RSRP1: variants seen among roughly 807,000 people sequenced by gnomAD.
RSRP1 encodes arginine and serine rich protein 1, also known as arginine/serine-rich protein 1.
RSRP1 carries 37 observed loss-of-function variants against 33.0 expected under a neutral mutation model. The ratio of observed to expected loss-of-function variants is 1.12; its 90% CI spans 0.86 to 1.48. RSRP1 has a LOEUF of 1.48. Ranked by LOEUF, RSRP1 falls within the 40% of genes most tolerant of loss-of-function variation. The probability of loss-of-function intolerance (pLI) is 0.00; values close to 1 mark genes in which losing one functional copy is unlikely to be tolerated. For synonymous variants in RSRP1, 167 were observed against 158.7 expected (o/e 1.05, Z -0.40); for missense variants, 402 against 385.3 (o/e 1.04, Z -0.36).
chr1:25,292,766 A>G (rs576286974), intron 1 of RSRP1, among the ~76,000 whole-genome samples: 2 of 123,896 alleles, frequency 1.6e-5, no homozygotes, highest in East Asian at 3.9e-4. Flanking sequence ...GGGAGTTGTT[A>G]CAATACAGAT....
intron 3 of RSRP1, 134 bp downstream of exon 3, chr1:25,245,016 T>C: frequency 2.6e-6 from 4 of 1,566,248 alleles, no homozygotes; most frequent in South Asian, 2.3e-5. Context: ...TATCTTCAGA[T>C]TTGCTACTTT....
chr1:25,278,466 C>G (rs2124600495), intron 1 of RSRP1, among the ~76,000 whole-genome samples: 1 of 131,852 alleles, frequency 7.6e-6, no homozygotes, highest in African/African-American at 2.6e-5. Context: ...GGTGCAACAA[C>G]TGGGCTGGGT....
intron 1 of RSRP1, among the ~76,000 whole-genome samples, chr1:25,315,097 G>A (rs1378861478): frequency 7.8e-6 from 1 of 128,050 alleles, no homozygotes; most frequent in Admixed American, 7.6e-5. Context: ...TCAGCTACTC[G>A]GGAGGCTGAG....
chr1:25,274,728 C>T (rs1299978236), intron 1 of RSRP1, among the ~76,000 whole-genome samples: 4 of 133,782 alleles, frequency 3.0e-5, no homozygotes, highest in African/African-American at 7.6e-5. Flanking sequence ...AACAAAGGGC[C>T]GGGCGACGTG....
upstream of RSRP1, among the ~76,000 whole-genome samples, chr1:25,249,734 G>T (rs544645397): frequency 6.6e-6 from 1 of 152,130 alleles, no homozygotes; most frequent in Admixed American, 6.5e-5. Context: ...AAACATACGC[G>T]GTCTACCTGA....
chr1:25,292,774 G>T (rs1157343513), intron 1 of RSRP1, among the ~76,000 whole-genome samples: 1 of 123,276 alleles, frequency 8.1e-6, no homozygotes, highest in African/African-American at 2.8e-5. Flanking sequence ...TTACAATACA[G>T]ATGGTGTTTA....
intron 1 of RSRP1, chr1:25,272,555 C>A: frequency 6.3e-7 from 1 of 1,580,632 alleles, no homozygotes; most frequent in African/African-American, 1.4e-5. Context: ...AGGATGAGCT[C>A]TAAGTACCCG....
intron 3 of RSRP1, 79 bp downstream of exon 3, chr1:25,245,071 A>C (rs1557483628): frequency 6.2e-7 from 1 of 1,612,332 alleles, no homozygotes; most frequent in Admixed American, 1.7e-5. Flanking sequence ...CAAAAAGTAT[A>C]GTCTAAGATA....
rs1394310630 is a variant in RSRP1 at position 25,274,412 on chromosome 1, G to T, written c.-66-27383C>A. The stretch of plus-strand genomic sequence containing the variant: ...GGTTAGCAGCCACTATTCCAACCCT[G>T]TAGATTGACTCTAGGGTCCATGTTC... On this transcript the variant is annotated intron_variant, in intron 1 of 1. Coordinates refer to the RSRP1 transcript ENST00000561867. Among the ~76,000 whole-genome samples the T allele has an allele frequency of 9.1e-5, 12 of 132,306 alleles. 2 individuals carry two copies. Among genetic ancestry groups the T allele is most frequent in the Admixed American group, 8.8e-4 (12 of 13,580 alleles). The allele number at this position is 132,306 out of a possible 152,430, so 86.8% of individuals were successfully genotyped here.
chr1:25,251,934 A>G (rs1330166491), upstream of RSRP1, among the ~76,000 whole-genome samples: 1 of 149,944 alleles, frequency 6.7e-6, no homozygotes, highest in East Asian at 2.0e-4. Flanking sequence ...TCTCTTGCCC[A>G]GACTGAAGTG....
In RSRP1 at chr1:25,292,202, G is replaced by C. The variant is rs896007878; in HGVS notation, c.-66-45173C>G. 3.8e-5 allele frequency among the ~76,000 whole-genome samples: 5 copies of C among 132,638 alleles called. 1 individual carries two copies. Among genetic ancestry groups the C allele is most frequent in the Admixed American group, 3.7e-4 (5 of 13,574 alleles). 87.0% of individuals were successfully genotyped at this position (132,638 alleles called of 152,430 possible). A position where few individuals can be genotyped will look rare whatever the true frequency, so the allele number is the denominator to read the frequency against. On this transcript the variant is annotated intron_variant, in intron 1 of 1. Transcript: ENST00000561867. ...AAAAAGCATGAAGCCCCTTTACTGTGCCTCAGTGTCCCAAAGGACTTTGGA... is the reference window on the plus strand; with the variant it reads ...AAAAAGCATGAAGCCCCTTTACTGTCCCTCAGTGTCCCAAAGGACTTTGGA...
At chr1:25,291,142 G>GGATAGATA (rs1557529488) in intron 1 of RSRP1, among the ~76,000 whole-genome samples, 6 of 125,676 alleles carry the variant, frequency 4.8e-5, no homozygotes, top group African/African-American at 1.7e-4. Context: ...ATAGGTAGGT[G>GGATAGATA]GATAGACAGA....
chr1:25,289,268 C>G (rs1454771020), intron 1 of RSRP1, among the ~76,000 whole-genome samples: 20 of 132,218 alleles, frequency 1.5e-4, no homozygotes, highest in African/African-American at 4.4e-4. Context: ...AGTCTCGGCC[C>G]ACTGAAACCT....
chr1:25,259,226 T>C (rs1196304568), intron 1 of RSRP1, among the ~76,000 whole-genome samples: 6 of 152,022 alleles, frequency 3.9e-5, no homozygotes, highest in Non-Finnish European at 8.8e-5. Flanking sequence ...CCGAAGTAGC[T>C]GGGAATTACA....
chr1:25,331,390 G>C (rs1645003463), intron 1 of RSRP1, among the ~76,000 whole-genome samples: 1 of 131,062 alleles, frequency 7.6e-6, no homozygotes, highest in East Asian at 2.0e-4. Flanking sequence ...TAGGGGTTAG[G>C]GCTTCAAAAG....
At chr1:25,311,719 C>G (rs1644158406) in intron 1 of RSRP1, among the ~76,000 whole-genome samples, 3 of 128,834 alleles carry the variant, frequency 2.3e-5, no homozygotes, top group African/African-American at 8.0e-5. Flanking sequence ...TGCCTTGGGT[C>G]TCTGCTCCCC....
chr1:25,294,638 C>G, intron 1 of RSRP1: 1 of 1,031,080 alleles, frequency 9.7e-7, no homozygotes, highest in South Asian at 1.3e-5. Context: ...TCCAGGGAAC[C>G]GCCATCTCGT....
rs1459132391 is a variant in RSRP1, at chr1:25,282,819, C to T, written c.-66-35790G>A. On this transcript the variant is annotated intron_variant, in intron 1 of 1. Coordinates refer to the RSRP1 transcript ENST00000561867. ...CTGAAGCACAAGAATCACTTGAACC[C>T]GGGAGGTGGAGGTTGCAGCGAGCCG... is the stretch of plus-strand genomic sequence containing the variant. Among the ~76,000 whole-genome samples, 2 of 129,286 alleles carry T rather than the reference C, an allele frequency of 1.5e-5. 1 individual carries two copies. The highest frequency in any genetic ancestry group is 5.3e-5 in the African/African-American group (2 of 37,956). 84.8% of individuals were successfully genotyped at this position (129,286 alleles called of 152,430 possible).
chr1:25,279,255 C>T (rs1164977996), intron 1 of RSRP1, among the ~76,000 whole-genome samples: 2 of 128,326 alleles, frequency 1.6e-5, no homozygotes, highest in East Asian at 2.0e-4. Flanking sequence ...ACACTCACTA[C>T]GTACCCAATG....
Sources: gnomAD v4.1 joint callset for allele counts (sites outside exome capture counted in the v4.1 genomes callset) on GRCh38, gnomAD v4.1.1 for gene constraint, MANE v1.5 for transcripts, NCBI Gene and HGNC (gene_info 2026-07-23, HGNC 2026-07-21) for gene names.